The following ATRNL1 variants were observed in gnomAD, a reference collection of about 807,000 sequenced individuals.
The protein encoded by ATRNL1 is attractin-like protein 1.
ATRNL1 carries 95 observed loss-of-function variants against 182.7 expected under a neutral mutation model. The observed-to-expected ratio is 0.52, with a 90% CI of 0.44 to 0.62. The LOEUF (loss-of-function observed/expected upper bound fraction) is 0.62. Ranked by LOEUF, ATRNL1 falls within the 20% of genes least tolerant of loss-of-function variation. ATRNL1 has a pLI of 0.00. For missense variants in ATRNL1, 1,471 were observed against 1,679.5 expected, an observed-to-expected ratio of 0.88 and a Z score of 2.17; for synonymous variants, 576 against 568.3, an observed-to-expected ratio of 1.01 and a Z score of -0.19.
intron 20 of ATRNL1, among the ~76,000 whole-genome samples, chr10:115,413,036 A>G (rs782663204): frequency 2.0e-5 from 3 of 152,212 alleles, no homozygotes; most frequent in Non-Finnish European, 2.9e-5. Context: ...GGATATGCCA[A>G]ACATTTTAAT....
intron 27 of ATRNL1, among the ~76,000 whole-genome samples, chr10:115,839,701 T>C (rs1950759658): frequency 6.6e-6 from 1 of 152,132 alleles, no homozygotes; most frequent in Non-Finnish European, 1.5e-5. Flanking sequence ...TGCATAACTC[T>C]TCCAGTGCAT....
At chr10:115,598,348 A>ATTTTATTTATTTATTT (rs1565201465) in intron 26 of ATRNL1, among the ~76,000 whole-genome samples, 1 of 34,024 alleles carries the variant, frequency 2.9e-5, no homozygotes, top group Non-Finnish European at 6.8e-5. Flanking sequence ...TTATTTAAAA[A>ATTTTATTTATTTATTT]AATTATTTAT....
chr10:115,215,282 G>T (rs1327509255), intron 8 of ATRNL1, among the ~76,000 whole-genome samples: 1 of 152,024 alleles, frequency 6.6e-6, no homozygotes, highest in African/African-American at 2.4e-5. Flanking sequence ...CTAAAAATGT[G>T]TTCAATTAAT....
intron 5 of ATRNL1, among the ~76,000 whole-genome samples, chr10:115,153,652 C>A (rs566470088): frequency 6.6e-5 from 10 of 151,854 alleles, no homozygotes; most frequent in Non-Finnish European, 1.0e-4. Flanking sequence ...TTGATTTTTT[C>A]AAAAATCCAG....
At chr10:115,474,022 A>G (rs1192799595) in intron 24 of ATRNL1, among the ~76,000 whole-genome samples, 1 of 151,212 alleles carries the variant, frequency 6.6e-6, no homozygotes, top group Non-Finnish European at 1.5e-5. Context: ...CCAACTGTTT[A>G]TCTTTTCTAT....
chr10:115,550,207 A>G (rs1852887724), intron 26 of ATRNL1, among the ~76,000 whole-genome samples: 1 of 151,822 alleles, frequency 6.6e-6, no homozygotes, highest in African/African-American at 2.4e-5. Context: ...TTTATTGTTC[A>G]TACCTCATTT....
chr10:115,526,095 G>T (rs1424041155), intron 25 of ATRNL1, among the ~76,000 whole-genome samples: 1 of 152,128 alleles, frequency 6.6e-6, no homozygotes, highest in Non-Finnish European at 1.5e-5. Context: ...ATAACGAAAT[G>T]CTAGGTATTG....
intron 26 of ATRNL1, among the ~76,000 whole-genome samples, chr10:115,680,966 G>A (rs782331737): frequency 2.6e-5 from 4 of 152,102 alleles, no homozygotes; most frequent in Non-Finnish European, 4.4e-5. Flanking sequence ...TTGTGTTTCA[G>A]GAGAAATGAT....
chr10:115,881,735 A>G (rs1951831363), intron 28 of ATRNL1, among the ~76,000 whole-genome samples: 1 of 152,168 alleles, frequency 6.6e-6, no homozygotes, highest in Admixed American at 6.5e-5. Flanking sequence ...GTGGAAAGCG[A>G]GACTTGGAGA....
intron 27 of ATRNL1, among the ~76,000 whole-genome samples, chr10:115,829,617 T>G (rs1434786186): frequency 1.3e-5 from 2 of 152,138 alleles, no homozygotes; most frequent in Non-Finnish European, 2.9e-5. Flanking sequence ...AGCATATACT[T>G]TTAAGCCAAA....
At chr10:115,744,974 A>G (rs1948248257) in intron 27 of ATRNL1, among the ~76,000 whole-genome samples, 2 of 152,176 alleles carry the variant, frequency 1.3e-5, no homozygotes, top group Admixed American at 1.3e-4. Flanking sequence ...TGTTTGTTCT[A>G]CAAGTGTGTG....
intron 20 of ATRNL1, among the ~76,000 whole-genome samples, chr10:115,421,515 T>C (rs1845650943): frequency 6.6e-6 from 1 of 152,022 alleles, no homozygotes. Context: ...ATAAAACCGC[T>C]GAAAAATTAG....
At chr10:115,201,238 G>T (rs1316601424) in intron 8 of ATRNL1, among the ~76,000 whole-genome samples, 1 of 151,942 alleles carries the variant, frequency 6.6e-6, no homozygotes, top group Non-Finnish European at 1.5e-5. Flanking sequence ...AGTTTAATGA[G>T]ATCCCATTTG....
At chr10:115,606,495 AAT>A (rs1430445008) in intron 26 of ATRNL1, among the ~76,000 whole-genome samples, 1 of 152,090 alleles carries the variant, frequency 6.6e-6, no homozygotes, top group Non-Finnish European at 1.5e-5. Flanking sequence ...GAAATAAAAT[AAT>A]GAGTTTTTGC....
At chr10:115,373,727 AT>A (rs1178246748) in intron 19 of ATRNL1, among the ~76,000 whole-genome samples, 4 of 151,392 alleles carry the variant, frequency 2.6e-5, no homozygotes, top group South Asian at 2.1e-4. Flanking sequence ...TTGATGAATG[AT>A]TTTTTTTCAT....
chr10:115,462,134 A>G lies in ATRNL1; in HGVS notation c.3417+99A>G, dbSNP rs185667145. Reference sequence around the variant, plus strand: ...CCTCTTCTCAGAATTATCACATTGTAGGGCCTTTGTAGAAACTACTAATCC... The same window carrying G: ...CCTCTTCTCAGAATTATCACATTGTGGGGCCTTTGTAGAAACTACTAATCC... On this transcript the variant is annotated intron_variant, in intron 22 of 28. Coordinates refer to ENST00000355044, the MANE Select transcript of ATRNL1 (RefSeq NM_207303.4). 7.5e-3 allele frequency: 5,473 copies of G among 734,516 alleles called. 25 individuals are homozygous for G. The highest frequency in any genetic ancestry group is 9.1e-3 in the Non-Finnish European group (4,267 of 470,000). 45.5% of individuals were successfully genotyped at this position (734,516 alleles called of 1,614,324 possible). A position where few individuals can be genotyped will look rare whatever the true frequency, so the allele number is the denominator to read the frequency against.
intron 27 of ATRNL1, among the ~76,000 whole-genome samples, chr10:115,764,906 T>C (rs1416859691): frequency 1.3e-4 from 20 of 152,352 alleles, no homozygotes; most frequent in Non-Finnish European, 2.8e-4. Context: ...ACTCCTGACC[T>C]CAGGCAATCC....
chr10:115,591,497 G>A (rs372495498), intron 26 of ATRNL1, among the ~76,000 whole-genome samples: 2 of 152,280 alleles, frequency 1.3e-5, no homozygotes, highest in East Asian at 3.9e-4. Flanking sequence ...CTCTGAGGGA[G>A]ATGTCCATAA....
At chr10:115,769,943 A>G (rs1948946889) in intron 27 of ATRNL1, among the ~76,000 whole-genome samples, 1 of 152,112 alleles carries the variant, frequency 6.6e-6, no homozygotes, top group African/African-American at 2.4e-5. Flanking sequence ...AACAACTATT[A>G]CCCCAGGAGT....
Sources: gnomAD v4.1 joint callset for allele counts (sites outside exome capture counted in the v4.1 genomes callset) on GRCh38, gnomAD v4.1.1 for gene constraint, MANE v1.5 for transcripts, NCBI Gene and HGNC (gene_info 2026-07-23, HGNC 2026-07-21) for gene names.